HMCN1: variants seen among roughly 807,000 people sequenced by gnomAD.
HMCN1 encodes the protein hemicentin-1.
A neutral mutation model predicts 625.9 loss-of-function variants in HMCN1; 321 were observed. The observed-to-expected ratio is 0.51, with a 90% CI of 0.47 to 0.56. HMCN1 has a LOEUF of 0.56. HMCN1 is among the 20% of genes least tolerant of loss of function. The pLI is 0.00. For missense variants in HMCN1, 6,588 were observed against 6,887.3 expected (o/e 0.96, Z 1.54); for synonymous variants, 2,425 against 2,417.6 (o/e 1.00, Z -0.09).
chr1:185,875,717 T>A (rs1041248043), intron 4 of HMCN1, among the ~76,000 whole-genome samples: 2 of 152,070 alleles, frequency 1.3e-5, no homozygotes, highest in African/African-American at 4.8e-5. Context: ...ACTTTACTTC[T>A]CTTATCCCAA....
At chr1:185,925,215 A>C in intron 9 of HMCN1, 24 bp downstream of exon 9, 1 of 1,599,658 alleles carries the variant, frequency 6.3e-7, no homozygotes. Context: ...TCTGTCAGTA[A>C]TAAGATTCAG....
At chr1:185,784,155 G>A (rs7519906) in intron 1 of HMCN1, among the ~76,000 whole-genome samples, 2,704 of 152,328 alleles carry the variant, frequency 0.018, 80 homozygotes, top group African/African-American at 0.062. Flanking sequence ...TCCAAGCCAG[G>A]CACAGGATGT....
Position 186,038,139 on chromosome 1 carries a change from A to G in HMCN1, c.5851+104A>G, listed in dbSNP as rs1449673808. On this transcript the variant is annotated intron_variant, in intron 37 of 106. Coordinates refer to ENST00000271588, the MANE Select transcript of HMCN1 (RefSeq NM_031935.3). The stretch of plus-strand genomic sequence containing the variant: ...ACTAATTACTAGTAAAGAACAGGTT[A>G]TAGAATACATTTCATGGGTGAAACA... The G allele has an allele frequency of 4.0e-6, 3 of 752,516 alleles. No homozygotes were observed. In the African/African-American group the frequency reaches 5.2e-5, roughly 13 times the overall value. 46.6% of individuals were successfully genotyped at this position (752,516 alleles called of 1,614,324 possible).
intron 4 of HMCN1, among the ~76,000 whole-genome samples, chr1:185,872,474 G>A (rs1663679116): frequency 6.6e-6 from 1 of 152,012 alleles, no homozygotes; most frequent in African/African-American, 2.4e-5. Context: ...TTGTCTGTAG[G>A]CTTCTGAGCA....
At chr1:185,829,419 C>A (rs140785791) in intron 1 of HMCN1, among the ~76,000 whole-genome samples, 25 of 152,250 alleles carry the variant, frequency 1.6e-4, no homozygotes, top group Non-Finnish European at 2.8e-4. Flanking sequence ...ACCCCTTACC[C>A]CCCAACAGGC....
chr1:185,917,572 G>A (rs1462715844), intron 6 of HMCN1, among the ~76,000 whole-genome samples: 1 of 152,144 alleles, frequency 6.6e-6, no homozygotes, highest in Non-Finnish European at 1.5e-5. Flanking sequence ...GCATTAGCTG[G>A]TCTGAGGAAT....
intron 1 of HMCN1, among the ~76,000 whole-genome samples, chr1:185,799,587 T>C (rs1658650478): frequency 6.6e-6 from 1 of 152,120 alleles, no homozygotes; most frequent in African/African-American, 2.4e-5. Context: ...GTGGTAGCTT[T>C]CTAGCTTTCT....
intron 15 of HMCN1, among the ~76,000 whole-genome samples, chr1:185,974,326 G>A (rs528817584): frequency 6.6e-6 from 1 of 152,204 alleles, no homozygotes; most frequent in Admixed American, 6.5e-5. Flanking sequence ...TGTTTAATGA[G>A]TGTTTATATC....
At chr1:186,093,839 A>AT (rs1359619298) in intron 66 of HMCN1, among the ~76,000 whole-genome samples, 170 bp downstream of exon 66, 4 of 152,040 alleles carry the variant, frequency 2.6e-5, no homozygotes, top group Non-Finnish European at 4.4e-5. Context: ...AGTTGAAATG[A>AT]TTTTTTATCC....
At chr1:186,132,819 G>A (rs1485358149) in intron 86 of HMCN1, among the ~76,000 whole-genome samples, 4 of 152,026 alleles carry the variant, frequency 2.6e-5, no homozygotes, top group Non-Finnish European at 5.9e-5. Context: ...ACAGGCCCTG[G>A]TGTGTGATGT....
intron 29 of HMCN1, among the ~76,000 whole-genome samples, chr1:186,005,055 TA>T (rs1653462038): frequency 6.6e-6 from 1 of 152,012 alleles, no homozygotes; most frequent in South Asian, 2.1e-4. Context: ...AGTATATTTA[TA>T]AACATTTTTG....
intron 1 of HMCN1, among the ~76,000 whole-genome samples, chr1:185,751,621 C>G (rs533437089): frequency 6.6e-6 from 1 of 152,086 alleles, no homozygotes; most frequent in East Asian, 1.9e-4. Context: ...CTTCATAAAA[C>G]CTTGTTAAGT....
chr1:186,165,838 C>CTGCAAAATAAGGATAGTAA (rs763746982), intron 98 of HMCN1, among the ~76,000 whole-genome samples: 121 of 152,220 alleles, frequency 7.9e-4, no homozygotes, highest in Non-Finnish European at 1.4e-3. Context: ...CAGTTTTGTC[C>CTGCAAAATAAGGATAGTAA]TGCAAAATAA....
chr1:185,817,208 C>G (rs1351413220), intron 1 of HMCN1, among the ~76,000 whole-genome samples: 2 of 152,078 alleles, frequency 1.3e-5, no homozygotes, highest in Non-Finnish European at 2.9e-5. Context: ...AGTAGCATAT[C>G]CCCAGTGGCT....
chr1:186,025,295 C>T (rs1191448460), intron 36 of HMCN1, among the ~76,000 whole-genome samples: 1 of 152,064 alleles, frequency 6.6e-6, no homozygotes, highest in Non-Finnish European at 1.5e-5. Flanking sequence ...AGTCTGTGGC[C>T]CAGGGTTGGG....
rs1300331222 is a variant in HMCN1 at position 185,978,384 on chromosome 1, G to A, written c.2566+403G>A. On this transcript the variant is annotated intron_variant, in intron 16 of 106. Transcript: ENST00000271588. ...TGTCAAACAGTACATAACAACATAG[G>A]GATGCCTTGGAATCTCCTTTATTAA... 4.6e-5 allele frequency among the ~76,000 whole-genome samples: 7 copies of A among 152,034 alleles called. 1 individual carries two copies. The highest frequency in any genetic ancestry group is 1.4e-4 in the African/African-American group (6 of 41,474).
rs929080107 is a variant in HMCN1, at chr1:185,989,133, G to A, written c.3049-355G>A. Among the ~76,000 whole-genome samples the A allele has an allele frequency of 6.1e-5, 9 of 148,392 alleles. No individual in the cohort carries two copies. The South Asian group carries it at 6.5e-4, about 11-fold the overall frequency. ...CGCCATTCTCCTGCCTCAGCCTCCC[G>A]AGTAGCTGGGACTACAGGTGCCTGC... On this transcript the variant is annotated intron_variant, in intron 20 of 106. Transcript: ENST00000271588.
intron 4 of HMCN1, among the ~76,000 whole-genome samples, chr1:185,905,896 C>T (rs1463871762): frequency 6.6e-6 from 1 of 151,752 alleles, no homozygotes; most frequent in Non-Finnish European, 1.5e-5. Context: ...TAGATGGTCT[C>T]AGAGGCCCTT....
intron 63 of HMCN1, among the ~76,000 whole-genome samples, chr1:186,089,715 G>T (rs1018825145): frequency 6.6e-6 from 1 of 151,886 alleles, no homozygotes; most frequent in Non-Finnish European, 1.5e-5. Flanking sequence ...ACTAGAAATA[G>T]TATATGCATA....
Sources: gnomAD v4.1 joint callset for allele counts (sites outside exome capture counted in the v4.1 genomes callset) on GRCh38, gnomAD v4.1.1 for gene constraint, MANE v1.5 for transcripts, NCBI Gene and HGNC (gene_info 2026-07-23, HGNC 2026-07-21) for gene names.